Variants in EPPK1 observed in about 807,000 individuals in gnomAD.
The protein encoded by EPPK1 is epiplakin 1.
For missense variants in EPPK1, 3,823 were observed against 3,673.3 expected, an observed-to-expected ratio of 1.04 and a Z score of -1.05; for synonymous variants, 1,862 against 1,721.2, an observed-to-expected ratio of 1.08 and a Z score of -2.03.
Position 143,866,732 on chromosome 8 carries a change from G to A in EPPK1, c.6522C>T (p.Phe2174=). Residue 2174 remains phenylalanine (F), a synonymous_variant, in exon 2 of 2, where the codon TTC becomes TTT. Transcript: ENST00000615648. ...CTGTGATCTGTCGTCTAATTCCTTG[G>A]AACCACAGGTGTTTGTTGCTGGTTT... ...KQETSNKHLW[F]QGIRRQITAS... is the part of the protein sequence containing the mutation. The A allele has an allele frequency of 6.2e-7, 1 of 1,613,460 alleles. No homozygotes were observed. The highest frequency in any genetic ancestry group is 1.3e-5 in the African/African-American group (1 of 75,056).
At position 143,866,245 on chromosome 8, in the gene EPPK1, G is replaced by A. The variant is rs1405157699; in HGVS notation, c.7009C>T (p.Arg2337Cys). The A allele has an allele frequency of 9.8e-5, 46 of 468,912 alleles. No homozygotes were observed. Among genetic ancestry groups the A allele is most frequent in the East Asian group, 7.9e-4 (25 of 31,648 alleles). The allele number at this position is 468,912 out of a possible 1,614,324, so 29.0% of individuals were successfully genotyped here. A position where few individuals can be genotyped will look rare whatever the true frequency, so the allele number is the denominator to read the frequency against. The stretch of plus-strand genomic sequence containing the variant: ...GTGGCGATCTGGGCCTCCAGCAGGC[G>A]GATGCCGTGCTCCCGGACGATGAGG... ...KDLIVREHGI[R>C]LLEAQIATGG... The change falls in exon 2 of 2, where the codon CGC becomes TGC. Residue 2337 changes from arginine to cysteine, a missense_variant. Physicochemically the swap from Arg to Cys is radical, Grantham distance 180. Transcript: ENST00000615648.
At chr8:143,878,254 G>T (rs1284771641) in intron 1 of EPPK1, among the ~76,000 whole-genome samples, 184 bp downstream of exon 1, 1 of 151,638 alleles carries the variant, frequency 6.6e-6, no homozygotes, top group African/African-American at 2.4e-5. Context: ...CAGAGCCCAA[G>T]ACCCCGCTGG....
Position 143,866,912 on chromosome 8 carries a change from C to A in EPPK1, c.6342G>T (p.Arg2114Ser), listed in dbSNP as rs373694823. The A allele has an allele frequency of 2.5e-6, 4 of 1,612,938 alleles. No homozygotes were observed. In the African/African-American group the frequency reaches 5.3e-5, roughly 22 times the overall value. Residue 2114 changes from arginine (R) to serine (S), a missense_variant, in exon 2 of 2, where the codon AGG becomes AGT. By Grantham distance (110) the Arg-to-Ser change is moderately radical. Coordinates refer to ENST00000615648, the MANE Select transcript of EPPK1 (RefSeq NM_031308.4). ...EAEQVEITVG[R>S]FRGQKPTLWA... ...ACAGTGTTGGTTTCTGGCCTCTGAA[C>A]CTTCCCACTGTGATTTCCACTTGCT...
rs782154218 is a variant in EPPK1, at chr8:143,872,845, T to C, written c.409A>G (p.Ile137Val). 1.3e-6 allele frequency: 2 copies of C among 1,564,092 alleles called. No homozygotes were observed. Among genetic ancestry groups the C allele is most frequent in the African/African-American group, 1.4e-5 (1 of 73,540 alleles). Residue 137 changes from isoleucine (I) to valine (V), a missense_variant, in exon 2 of 2, where the codon ATC becomes GTC. Coordinates refer to ENST00000615648, the MANE Select transcript of EPPK1 (RefSeq NM_031308.4). ...GCCCTGTCCACAACCTCCTTCCCGA[T>C]GGCCTGAAAGAGGGCCAGCTTCTCA... Reference protein sequence around the residue: ...GGEKLALFQAIGKEVVDRALG... With the variant: ...GGEKLALFQAVGKEVVDRALG...
chr8:143,873,162 C>T lies in EPPK1; in HGVS notation c.92G>A (p.Gly31Glu). 4.4e-6 allele frequency: 7 copies of T among 1,593,030 alleles called. No individual in the cohort carries two copies. Among genetic ancestry groups the T allele is most frequent in the Non-Finnish European group, 6.0e-6 (7 of 1,172,186 alleles). Residue 31 changes from glycine to glutamate, a missense_variant, in exon 2 of 2, where the codon GGA becomes GAA. By Grantham distance (98) the Gly-to-Glu change is moderately conservative. Coordinates refer to ENST00000615648, the MANE Select transcript of EPPK1 (RefSeq NM_031308.4). ...SVPRAMAATL[G>E]AGTPPRPQAR... ...CTGGGGCCTGGGGGGCGTGCCGGCT[C>T]CCAGCGTGGCTGCCATGGCTCTGGG...
At position 143,872,233 on chromosome 8, in the gene EPPK1, C is replaced by T. The variant is rs545014988; in HGVS notation, c.1021G>A (p.Glu341Lys). The T allele has an allele frequency of 5.3e-5, 86 of 1,609,702 alleles. 1 individual carries two copies. In the South Asian group the frequency reaches 6.7e-4, roughly 13 times the overall value. ...PITGQRLWVD[E>K]AVRAGLVSPE... ...CTGACCAGGCCCGCCCTGACTGCCT[C>T]GTCTACCCACAGCCGCTGGCCTGTG... The change falls in exon 2 of 2, where the codon GAG becomes AAG. Residue 341 changes from glutamate to lysine, a missense_variant. Glu to Lys is a moderately conservative substitution (Grantham distance 56, BLOSUM62 1). Transcript: ENST00000615648.
intron 1 of EPPK1, among the ~76,000 whole-genome samples, chr8:143,876,098 C>T (rs1161198426): frequency 2.0e-5 from 3 of 152,222 alleles, no homozygotes; most frequent in Non-Finnish European, 4.4e-5. Context: ...ATGCTGCTCC[C>T]AGGCCCATCA....
In EPPK1 at chr8:143,869,064, T is replaced by C; in HGVS notation, c.4190A>G (p.Asp1397Gly). The change falls in exon 2 of 2, where the codon GAC (aspartate) becomes GGC (glycine). Residue 1397 changes from aspartate to glycine, a missense_variant. Coordinates refer to ENST00000615648, the MANE Select transcript of EPPK1 (RefSeq NM_031308.4). ...GTCAAAGAAGAACTTGTTGTCCTTGTCAACTGCAGTCAGCACCTGGCTCGT... is the reference window on the plus strand; with the variant it reads ...GTCAAAGAAGAACTTGTTGTCCTTGCCAACTGCAGTCAGCACCTGGCTCGT... ...TQTSQVLTAV[D>G]KDNKFFFDPS... is the part of the protein sequence containing the mutation. 6.2e-7 allele frequency: 1 copy of C among 1,608,704 alleles called. No individual in the cohort carries two copies. The highest frequency in any genetic ancestry group is 8.5e-7 in the Non-Finnish European group (1 of 1,179,814).
In EPPK1 at chr8:143,870,437, G is replaced by A. The variant is rs782235379; in HGVS notation, c.2817C>T (p.Pro939=). ...GGTAGAGGCTGAGCCGCTGGCCAGA[G>A]GGCAGCAGCCGCACACCGCCCACAG... ...LGAVGGVRLL[P]SGQRLSLYQA... Residue 939 remains proline, a synonymous_variant, in exon 2 of 2, where the codon CCC becomes CCT. Transcript: ENST00000615648. The surrounding 1 kb of genome is among the most constrained non-coding windows in gnomAD (Gnocchi z 5.2). 69 of 1,597,696 alleles carry A rather than the reference G, an allele frequency of 4.3e-5. No individual in the cohort carries two copies. The highest frequency in any genetic ancestry group is 5.2e-5 in the Non-Finnish European group (61 of 1,176,714).
At position 143,866,517 on chromosome 8, in the gene EPPK1, T is replaced by C. The variant is rs1291561915; in HGVS notation, c.6737A>G (p.Tyr2246Cys). ...QPGRQEKMSIYQAMWKGVLRP... is the reference protein window; with the variant it reads ...QPGRQEKMSICQAMWKGVLRP... ...CAGCACGCCCTTCCACATGGCCTGGTAGATGCTCATCTTCTCCTGGCGGCC... is the reference window on the plus strand; with the variant it reads ...CAGCACGCCCTTCCACATGGCCTGGCAGATGCTCATCTTCTCCTGGCGGCC... Residue 2246 changes from tyrosine (Y) to cysteine (C), a missense_variant, in exon 2 of 2, where the codon TAC becomes TGC. Coordinates refer to ENST00000615648, the MANE Select transcript of EPPK1 (RefSeq NM_031308.4). 1.3e-6 allele frequency: 2 copies of C among 1,571,102 alleles called. No homozygotes were observed. The highest frequency in any genetic ancestry group is 1.7e-6 in the Non-Finnish European group (2 of 1,162,334).
chr8:143,868,952 C>T lies in EPPK1; in HGVS notation c.4302G>A (p.Leu1434=), dbSNP rs782221229. ...CCACCTCAAGCACTGTGTCTGAGGG[C>T]AGTGGCAACAGCAACAATCCGGTCT... ...DSETGLLLLP[L]PSDTVLEVDD... Residue 1434 remains leucine, a synonymous_variant, in exon 2 of 2, where the codon CTG becomes CTA. Transcript: ENST00000615648. 22 of 1,610,808 alleles carry T rather than the reference C, an allele frequency of 1.4e-5. No homozygotes were observed. Among genetic ancestry groups the T allele is most frequent in the Non-Finnish European group, 1.8e-5 (21 of 1,179,830 alleles).
chr8:143,877,032 C>T (rs940445843), intron 1 of EPPK1, among the ~76,000 whole-genome samples: 2 of 152,268 alleles, frequency 1.3e-5, no homozygotes, highest in Non-Finnish European at 2.9e-5. Flanking sequence ...AAGAGGAGAT[C>T]CAGGGAGGAA....
Position 143,873,220 on chromosome 8 carries a change from G to A in EPPK1, c.34C>T (p.Pro12Ser), listed in dbSNP as rs782436812. 1.9e-6 allele frequency: 3 copies of A among 1,578,296 alleles called. No individual in the cohort carries two copies. Among genetic ancestry groups the A allele is most frequent in the East Asian group, 2.2e-5 (1 of 44,586 alleles). The stretch of plus-strand genomic sequence containing the variant: ...GCCTGCTCTGTGCTGTTGGTGCCTG[G>A]GACGGGAAGAGGAGGCAAGGTGTGG... ...SGHTLPPLPV[P>S]GTNSTEQASV... The change falls in exon 2 of 2, where the codon CCA (proline) becomes TCA (serine). Residue 12 changes from proline (P) to serine (S), a missense_variant. Transcript: ENST00000615648.
rs1407740107 is a variant in EPPK1, at chr8:143,866,429, G to A, written c.6825C>T (p.Pro2275=). The A allele has an allele frequency of 2.0e-5, 25 of 1,276,168 alleles. No homozygotes were observed. Among genetic ancestry groups the A allele is most frequent in the African/African-American group, 1.8e-4 (11 of 61,732 alleles). 79.1% of individuals were successfully genotyped at this position (1,276,168 alleles called of 1,614,324 possible). The change falls in exon 2 of 2, where the codon CCC becomes CCT. Residue 2275 remains proline, a synonymous_variant. Transcript: ENST00000615648. ...AQAATGFVID[P]VRNLRLSVEE... ...CCACCGACAGCCTCAGGTTGCGCAC[G>A]GGGTCGATGACGAAGCCGGTGGCCG...
At position 143,870,857 on chromosome 8, in the gene EPPK1, G is replaced by A. The variant is rs782666945; in HGVS notation, c.2397C>T (p.Ser799=). ...TGTCCACCAGCGGGGACTGCGTGCT[G>A]CTGAGTGGCAGGAGGTACAGGCCCG... The part of the protein sequence containing the change: ...PETGLYLLPL[S]STQSPLVDSA... The change falls in exon 2 of 2, where the codon AGC becomes AGT. Residue 799 remains serine (S), a synonymous_variant. Coordinates refer to ENST00000615648, the MANE Select transcript of EPPK1 (RefSeq NM_031308.4). The surrounding 1 kb of genome is among the most constrained non-coding windows in gnomAD (Gnocchi z 5.2). 3.1e-6 allele frequency: 5 copies of A among 1,613,030 alleles called. No individual in the cohort carries two copies. In the Admixed American group the frequency reaches 6.7e-5, roughly 21 times the overall value.
Position 143,871,227 on chromosome 8 carries a change from T to C in EPPK1, c.2027A>G (p.Asp676Gly), listed in dbSNP as rs1819337197. 2 of 1,613,172 alleles carry C rather than the reference T, an allele frequency of 1.2e-6. No homozygotes were observed. The highest frequency in any genetic ancestry group is 1.7e-6 in the Non-Finnish European group (2 of 1,179,992). Residue 676 changes from aspartate (D) to glycine (G), a missense_variant, in exon 2 of 2, where the codon GAT becomes GGT. Asp to Gly is a moderately conservative substitution (Grantham distance 94). Transcript: ENST00000615648. ...AGCCGACAGCAGCTTCGCGAACACA[T>C]CAGGCCCAATGACAGCAGCCCTCAG... The part of the protein sequence containing the change: ...EALRAAVIGP[D>G]VFAKLLSAER...
Position 143,866,377 on chromosome 8 carries a change from C to T in EPPK1, c.6877G>A (p.Gly2293Ser), listed in dbSNP as rs1819106579. Residue 2293 changes from glycine (G) to serine (S), a missense_variant, in exon 2 of 2, where the codon GGC becomes AGC. Coordinates refer to ENST00000615648, the MANE Select transcript of EPPK1 (RefSeq NM_031308.4). ...VEEAVAAGVV[G>S]GEIQEKLLSA... ...AGCAGCTTCTCCTGGATCTCGCCGC[C>T]CACCACGCCCGCGGCCACGGCCTCC... 3.3e-6 allele frequency: 3 copies of T among 898,630 alleles called. No homozygotes were observed. The highest frequency in any genetic ancestry group is 5.5e-5 in the East Asian group (2 of 36,674). 55.7% of individuals were successfully genotyped at this position (898,630 alleles called of 1,614,324 possible). A position where few individuals can be genotyped will look rare whatever the true frequency, so the allele number is the denominator to read the frequency against.
At position 143,869,415 on chromosome 8, in the gene EPPK1, A is replaced by C; in HGVS notation, c.3839T>G (p.Leu1280Arg). ...GAAGCCAGATGCCACCTGGGCTTCC[A>C]GCAGCCTCTGGCCCAGGCCTGTGGG... ...LLPTGLGQRLLEAQVASGFLV... is the reference protein window; with the variant it reads ...LLPTGLGQRLREAQVASGFLV... Residue 1280 changes from leucine (L) to arginine (R), a missense_variant, in exon 2 of 2, where the codon CTG becomes CGG. Transcript: ENST00000615648. The C allele has an allele frequency of 6.2e-7, 1 of 1,604,006 alleles. No individual in the cohort carries two copies. Among genetic ancestry groups the C allele is most frequent in the Non-Finnish European group, 8.5e-7 (1 of 1,177,102 alleles).
At position 143,870,191 on chromosome 8, in the gene EPPK1, A is replaced by T; in HGVS notation, c.3063T>A (p.Ser1021=). Residue 1021 remains serine (S), a synonymous_variant, in exon 2 of 2, where the codon TCT becomes TCA. Transcript: ENST00000615648. This position sits in a 1 kb window ranked among gnomAD's most constrained non-coding sequence, Gnocchi z 5.2. The stretch of plus-strand genomic sequence containing the variant: ...GACCTTTCTTCATGGCCTGGAACAC[A>T]GACACCTGCTTCCCAGAGAAGGGGT... The part of the protein sequence containing the change: ...FRDPFSGKQV[S]VFQAMKKGLI... The T allele has an allele frequency of 6.2e-7, 1 of 1,611,214 alleles. No homozygotes were observed. Among genetic ancestry groups the T allele is most frequent in the Non-Finnish European group, 8.5e-7 (1 of 1,179,286 alleles).
Sources: allele counts gnomAD v4.1 joint callset (sites outside exome capture counted in the v4.1 genomes callset), GRCh38; gene constraint gnomAD v4.1.1; non-coding constraint Gnocchi (gnomAD v3.1); transcripts MANE v1.5; gene names NCBI Gene and HGNC (gene_info 2026-07-23, HGNC 2026-07-21).